The following PTPRE variants were observed in gnomAD, a reference collection of about 807,000 sequenced individuals.
PTPRE encodes protein tyrosine phosphatase receptor type E.
Under a neutral mutation model 102.0 loss-of-function variants are expected in PTPRE, and 51 were observed. The ratio of observed to expected loss-of-function variants is 0.50; its 90% confidence interval spans 0.40 to 0.63. The LOEUF is 0.63. Among genes scored for constraint, PTPRE ranks in the 30% least tolerant of loss-of-function variants. The pLI is 0.00. For missense variants in PTPRE, 752 were observed against 915.1 expected (o/e 0.82, Z 2.30); for synonymous variants, 345 against 348.2 (o/e 0.99, Z 0.10).
intron 2 of PTPRE, among the ~76,000 whole-genome samples, chr10:128,020,113 A>G (rs1336916697): frequency 6.6e-6 from 1 of 151,926 alleles, no homozygotes; most frequent in African/African-American, 2.4e-5. Context: ...CTGTGGCGTG[A>G]TTGTCAGATC....
chr10:128,062,897 G>A, intron 9 of PTPRE, 186 bp from the exon 10 acceptor site: 1 of 1,007,798 alleles, frequency 9.9e-7, no homozygotes, highest in African/African-American at 1.6e-5. Flanking sequence ...GCTGGAGTGG[G>A]TGAGTGGCAG....
intron 2 of PTPRE, among the ~76,000 whole-genome samples, chr10:128,026,198 G>A (rs1846278808): frequency 6.6e-6 from 1 of 152,216 alleles, no homozygotes; most frequent in Non-Finnish European, 1.5e-5. Flanking sequence ...GCGCCTCTCT[G>A]GTTGGCCAGC....
chr10:128,068,923 C>G (rs967385325), intron 12 of PTPRE: 1 of 152,578 alleles, frequency 6.6e-6, no homozygotes, highest in African/African-American at 2.4e-5. Context: ...GAGAGCCCCA[C>G]TTGTTCCTGG....
intron 1 of PTPRE, among the ~76,000 whole-genome samples, chr10:127,967,435 C>T (rs752794192): frequency 2.0e-5 from 3 of 152,064 alleles, no homozygotes; most frequent in Admixed American, 6.6e-5. Context: ...TAAATTCTCA[C>T]GAGATCTGAT....
rs1276586058 is a variant in PTPRE at position 128,083,998 on chromosome 10, AG to A, written c.*1093del. On this transcript the variant is annotated 3_prime_UTR_variant, in exon 21 of 21. Coordinates refer to ENST00000254667, the MANE Select transcript of PTPRE (RefSeq NM_006504.6). Reference sequence around the variant, plus strand: ...AATCTAGATTTATACCATTTTTTAAAGTCCCACCTTTCAATGTTTAATAAAA... The same window carrying A: ...AATCTAGATTTATACCATTTTTTAAATCCCACCTTTCAATGTTTAATAAAA... 5 of 151,572 alleles carry A rather than the reference AG, an allele frequency of 3.3e-5. No homozygotes were observed. Among genetic ancestry groups the A allele is most frequent in the Non-Finnish European group, 5.9e-5 (4 of 67,928 alleles). The allele number at this position is 151,572 out of a possible 1,614,324, so 9.4% of individuals were successfully genotyped here.
intron 1 of PTPRE, among the ~76,000 whole-genome samples, chr10:127,968,044 G>GTGTGTA (rs778496459): frequency 5.4e-4 from 81 of 150,096 alleles, no homozygotes; most frequent in South Asian, 2.3e-3. Flanking sequence ...GTGTGTGTGT[G>GTGTGTA]TGTCCCTGGA....
At chr10:128,066,247 A>G in intron 11 of PTPRE, 53 bp downstream of exon 11, 3 of 1,599,652 alleles carry the variant, frequency 1.9e-6, no homozygotes, top group Non-Finnish European at 2.6e-6. Flanking sequence ...AGAGAGCATC[A>G]TGCCCAGAGT....
intron 2 of PTPRE, among the ~76,000 whole-genome samples, chr10:128,020,152 G>A (rs1845759682): frequency 6.6e-6 from 1 of 152,232 alleles, no homozygotes; most frequent in Non-Finnish European, 1.5e-5. Flanking sequence ...CTCAAAGCAA[G>A]AATAATTAAT....
chr10:128,019,662 A>G (rs1845708298), intron 2 of PTPRE, among the ~76,000 whole-genome samples: 1 of 147,716 alleles, frequency 6.8e-6, no homozygotes, highest in Non-Finnish European at 1.5e-5. Flanking sequence ...TTCATTAAGC[A>G]CGTGTTCATC....
At chr10:128,020,521 G>A (rs1020518900) in intron 2 of PTPRE, among the ~76,000 whole-genome samples, 7 of 152,194 alleles carry the variant, frequency 4.6e-5, no homozygotes, top group South Asian at 2.1e-4. Context: ...TTTAGTACAA[G>A]AGTAACTAGA....
intron 2 of PTPRE, among the ~76,000 whole-genome samples, chr10:127,993,520 G>C (rs1852905657): frequency 6.6e-6 from 1 of 152,126 alleles, no homozygotes; most frequent in African/African-American, 2.4e-5. Context: ...GGGATCCCCA[G>C]GGTTCACCCA....
chr10:128,051,766 C>T (rs188963915), intron 6 of PTPRE, among the ~76,000 whole-genome samples: 35 of 152,310 alleles, frequency 2.3e-4, no homozygotes, highest in Admixed American at 1.8e-3. Context: ...AGGGTAGAGA[C>T]GCGGTGGAGG....
chr10:127,947,934 C>T (rs983633323), intron 1 of PTPRE, among the ~76,000 whole-genome samples: 4 of 152,188 alleles, frequency 2.6e-5, no homozygotes, highest in Non-Finnish European at 5.9e-5. Flanking sequence ...TTGAGCCAAC[C>T]CCCCAATAAA....
At position 128,084,983 on chromosome 10, in the gene PTPRE, C is replaced by A. The variant is rs756888920; in HGVS notation, c.*2077C>A. 2.6e-6 allele frequency: 1 copy of A among 384,194 alleles called. No homozygotes were observed. Among genetic ancestry groups the A allele is most frequent in the Non-Finnish European group, 5.3e-6 (1 of 190,326 alleles). 23.8% of individuals were successfully genotyped at this position (384,194 alleles called of 1,614,324 possible). On this transcript the variant is annotated 3_prime_UTR_variant, in exon 21 of 21. Transcript: ENST00000254667. Reference sequence around the variant, plus strand: ...TTTTCAGGGTGCCCTCAGGAAAGGGCCCTGCTCATGTTTTTTTCCTGTCCC... The same window carrying A: ...TTTTCAGGGTGCCCTCAGGAAAGGGACCTGCTCATGTTTTTTTCCTGTCCC...
At chr10:128,039,221 G>A (rs576436748) in intron 2 of PTPRE, among the ~76,000 whole-genome samples, 10 of 152,262 alleles carry the variant, frequency 6.6e-5, no homozygotes, top group East Asian at 1.9e-4. Flanking sequence ...GCTGCCTGTC[G>A]TAGAAGGGCC....
At chr10:127,955,321 CATAT>C (rs759573008) in intron 1 of PTPRE, among the ~76,000 whole-genome samples, 44 of 148,264 alleles carry the variant, frequency 3.0e-4, no homozygotes, top group Middle Eastern at 6.9e-3. Flanking sequence ...TACATACATA[CATAT>C]ATACATACAC....
rs1848959934 is a variant in PTPRE at position 128,056,349 on chromosome 10, C to T, written c.511+136C>T. On this transcript the variant is annotated intron_variant, in intron 7 of 20. Coordinates refer to ENST00000254667, the MANE Select transcript of PTPRE (RefSeq NM_006504.6). The stretch of plus-strand genomic sequence containing the variant: ...TCAGTCTAACTGCTCAGCATTTGCA[C>T]CTAGGACTCCAGAACGTTCCTCTTT... The T allele has an allele frequency of 7.2e-6, 5 of 691,252 alleles. No homozygotes were observed. In the East Asian group the frequency reaches 1.3e-4, roughly 18 times the overall value. The allele number at this position is 691,252 out of a possible 1,614,324, so 42.8% of individuals were successfully genotyped here.
chr10:127,946,425 A>T (rs889158944), intron 1 of PTPRE, among the ~76,000 whole-genome samples: 5 of 112,868 alleles, frequency 4.4e-5, no homozygotes, highest in Non-Finnish European at 1.0e-4. Context: ...AAAATAAAAC[A>T]CTAAATTTAT....
At chr10:128,049,055 G>T (rs577968671) in intron 5 of PTPRE, among the ~76,000 whole-genome samples, 1 of 152,288 alleles carries the variant, frequency 6.6e-6, no homozygotes, top group South Asian at 2.1e-4. Flanking sequence ...AGCTTATGGG[G>T]TTTGAGGAAC....
Sources: gnomAD v4.1 joint callset for allele counts (sites outside exome capture counted in the v4.1 genomes callset) on GRCh38, gnomAD v4.1.1 for gene constraint, MANE v1.5 for transcripts, NCBI Gene and HGNC (gene_info 2026-07-23, HGNC 2026-07-21) for gene names.